The following CNTN3 variants were observed in gnomAD, a reference collection of about 807,000 sequenced individuals.
CNTN3 encodes the protein contactin-3.
In CNTN3, 60 loss-of-function variants were observed where a neutral mutation model predicts 119.1. That is an observed-to-expected ratio of 0.50 (90% confidence interval 0.41 to 0.62). The LOEUF is 0.62. Among genes scored for constraint, CNTN3 ranks in the 20% least tolerant of loss-of-function variants. The pLI is 0.00. For synonymous variants in CNTN3, 450 were observed against 438.7 expected (o/e 1.03, Z -0.32); for missense variants, 1,101 against 1,242.4 (o/e 0.89, Z 1.71).
intron 4 of CNTN3, among the ~76,000 whole-genome samples, chr3:74,457,343 T>C (rs1234590454): frequency 2.0e-5 from 3 of 151,966 alleles, no homozygotes; most frequent in Non-Finnish European, 4.4e-5. Context: ...TGCATAGGGG[T>C]TAACAGCCAC....
At chr3:74,294,974 T>A in intron 19 of CNTN3, 147 bp downstream of exon 19, 1 of 503,308 alleles carries the variant, frequency 2.0e-6, no homozygotes, top group Non-Finnish European at 3.6e-6. Context: ...TCAGTATACA[T>A]GGAACATCAG....
rs138246412 is a variant in CNTN3, at chr3:74,352,042, T to A, written c.1364+9848A>T. On this transcript the variant is annotated intron_variant, in intron 11 of 22. Coordinates refer to ENST00000263665, the MANE Select transcript of CNTN3 (RefSeq NM_020872.3). ...CTCAATCATCTCTTTAAGAGAAGAG[T>A]TCTGCCTCCAATGTTCACCTCCTTT... Among the ~76,000 whole-genome samples, 484 of 152,296 alleles carry A rather than the reference T, an allele frequency of 3.2e-3. 4 individuals carry two copies. The highest frequency in any genetic ancestry group is 9.6e-3 in the African/African-American group (400 of 41,562).
chr3:74,500,611 GAC>G (rs374199775), intron 2 of CNTN3, among the ~76,000 whole-genome samples: 12 of 150,756 alleles, frequency 8.0e-5, no homozygotes, highest in African/African-American at 2.9e-4. Flanking sequence ...CAGACTAAGA[GAC>G]AAAGAATCCG....
intron 5 of CNTN3, among the ~76,000 whole-genome samples, chr3:74,390,199 G>T (rs138862496): frequency 6.6e-6 from 1 of 152,274 alleles, no homozygotes; most frequent in African/African-American, 2.4e-5. Context: ...AGTTGACTTA[G>T]GGCTCTAATA....
chr3:74,367,996 C>T (rs1704239929), intron 8 of CNTN3, among the ~76,000 whole-genome samples: 1 of 151,976 alleles, frequency 6.6e-6, no homozygotes, highest in Non-Finnish European at 1.5e-5. Flanking sequence ...TGCTCCCTCA[C>T]CCCCTATTTC....
chr3:74,330,440 A>T (rs1703235960), intron 13 of CNTN3, among the ~76,000 whole-genome samples: 1 of 152,066 alleles, frequency 6.6e-6, no homozygotes, highest in Non-Finnish European at 1.5e-5. Context: ...TGCATTTGTG[A>T]TGATGCTGAG....
At chr3:74,369,800 A>G in intron 7 of CNTN3, 89 bp downstream of exon 7, 1 of 683,176 alleles carries the variant, frequency 1.5e-6, no homozygotes, top group Non-Finnish European at 2.5e-6. Flanking sequence ...ATTTTAGAAA[A>G]TAAAAAAGAA....
At chr3:74,559,416 C>T (rs546661334) in intron 1 of CNTN3, among the ~76,000 whole-genome samples, 4 of 152,144 alleles carry the variant, frequency 2.6e-5, no homozygotes, top group Middle Eastern at 3.4e-3. Flanking sequence ...CATTAGTGCC[C>T]GCTCCCCAGC....
In CNTN3 at chr3:74,301,412, C is replaced by G. The variant is rs1325686163; in HGVS notation, c.2081G>C (p.Arg694Thr). The part of the protein sequence containing the change: ...GEPSLPSEKV[R>T]TEEAVPEVPP... ...AAAACACTAACCTGCCTCTTCAGTT[C>G]TTACTTTTTCTGAGGGTAAACTTGG... is the stretch of plus-strand genomic sequence containing the variant. The change falls in exon 16 of 23, where the codon AGA becomes ACA. Residue 694 changes from arginine to threonine, a missense_variant. Transcript: ENST00000263665. 6.2e-7 allele frequency: 1 copy of G among 1,613,698 alleles called. No individual in the cohort carries two copies. The highest frequency in any genetic ancestry group is 8.5e-7 in the Non-Finnish European group (1 of 1,179,916).
chr3:74,339,350 C>T (rs1703475287), intron 11 of CNTN3, among the ~76,000 whole-genome samples: 1 of 152,078 alleles, frequency 6.6e-6, no homozygotes, highest in Non-Finnish European at 1.5e-5. Flanking sequence ...GAATTCTTTT[C>T]CTTGCTTGCT....
At chr3:74,560,068 C>T (rs2107172647) in intron 1 of CNTN3, among the ~76,000 whole-genome samples, 1 of 152,244 alleles carries the variant, frequency 6.6e-6, no homozygotes, top group East Asian at 1.9e-4. Flanking sequence ...TAGAGGATGT[C>T]AATATACGGT....
At position 74,433,454 on chromosome 3, in the gene CNTN3, C is replaced by T. The variant is rs115271283; in HGVS notation, c.359-8514G>A. Among the ~76,000 whole-genome samples, 1,350 of 152,218 alleles carry T rather than the reference C, an allele frequency of 8.9e-3. 16 individuals are homozygous for T. Among genetic ancestry groups the T allele is most frequent in the African/African-American group, 0.031 (1,267 of 41,530 alleles). Reference sequence around the variant, plus strand: ...TCTCCAAGCAGAGACTGAAGTATTTCGTATTTTTCTAACACTATTTAGGAA... The same window carrying T: ...TCTCCAAGCAGAGACTGAAGTATTTTGTATTTTTCTAACACTATTTAGGAA... On this transcript the variant is annotated intron_variant, in intron 4 of 22. Coordinates refer to ENST00000263665, the MANE Select transcript of CNTN3 (RefSeq NM_020872.3).
In CNTN3 at chr3:74,263,987, A is replaced by G. The variant is rs921873279; in HGVS notation, c.*414T>C. On this transcript the variant is annotated 3_prime_UTR_variant, in exon 23 of 23. Transcript: ENST00000263665. ...TTGGGGACTTAAATCAGCATTTCAAATTGATACTGGTTAAGTCTTCCAAAT... is the reference window on the plus strand; with the variant it reads ...TTGGGGACTTAAATCAGCATTTCAAGTTGATACTGGTTAAGTCTTCCAAAT... The G allele has an allele frequency of 3.3e-5, 5 of 152,908 alleles. No individual in the cohort carries two copies. Among genetic ancestry groups the G allele is most frequent in the African/African-American group, 1.2e-4 (5 of 41,472 alleles). The allele number at this position is 152,908 out of a possible 1,614,324, so 9.5% of individuals were successfully genotyped here.
Position 74,521,131 on chromosome 3 carries a change from A to C in CNTN3, c.-19T>G. Reference sequence around the variant, plus strand: ...ACATCATCTTTAATTGCCAAATGCAAGAGTAACTCTTGTCCAGTCTCTGAT... The same window carrying C: ...ACATCATCTTTAATTGCCAAATGCACGAGTAACTCTTGTCCAGTCTCTGAT... On this transcript the variant is annotated 5_prime_UTR_variant, in exon 2 of 23. Coordinates refer to ENST00000263665, the MANE Select transcript of CNTN3 (RefSeq NM_020872.3). The C allele has an allele frequency of 6.4e-7, 1 of 1,565,396 alleles. No homozygotes were observed. Among genetic ancestry groups the C allele is most frequent in the Non-Finnish European group, 8.8e-7 (1 of 1,142,648 alleles).
intron 2 of CNTN3, among the ~76,000 whole-genome samples, chr3:74,509,732 T>TA (rs1382096265): frequency 6.6e-6 from 1 of 152,188 alleles, no homozygotes; most frequent in Non-Finnish European, 1.5e-5. Flanking sequence ...CATTTGGCAG[T>TA]ATGTATGAGA....
intron 20 of CNTN3, among the ~76,000 whole-genome samples, chr3:74,271,813 C>A (rs1023176224): frequency 6.6e-6 from 1 of 152,130 alleles, no homozygotes; most frequent in African/African-American, 2.4e-5. Context: ...TGCACCCCCC[C>A]AATAGTAAGA....
intron 1 of CNTN3, among the ~76,000 whole-genome samples, chr3:74,591,080 G>A (rs780822098): frequency 6.5e-4 from 99 of 151,858 alleles, no homozygotes; most frequent in Non-Finnish European, 1.1e-3. Flanking sequence ...CTTAGATTCC[G>A]GTGTAGTCAC....
chr3:74,372,277 T>A (rs1704360434), intron 5 of CNTN3, among the ~76,000 whole-genome samples: 1 of 152,128 alleles, frequency 6.6e-6, no homozygotes, highest in African/African-American at 2.4e-5. Flanking sequence ...TTCATGGAGT[T>A]AGTTAAGGAT....
chr3:74,316,121 A>G (rs189080572), intron 13 of CNTN3, among the ~76,000 whole-genome samples: 1 of 152,308 alleles, frequency 6.6e-6, no homozygotes, highest in Non-Finnish European at 1.5e-5. Flanking sequence ...TTCAGAATCT[A>G]TAAGGAACTT....
Sources: gnomAD v4.1 joint callset for allele counts (sites outside exome capture counted in the v4.1 genomes callset) on GRCh38, gnomAD v4.1.1 for gene constraint, MANE v1.5 for transcripts, NCBI Gene and HGNC (gene_info 2026-07-23, HGNC 2026-07-21) for gene names.